COL15A1: variants seen among roughly 807,000 people sequenced by gnomAD.
COL15A1 encodes the protein collagen alpha-1(XV) chain.
COL15A1 carries 111 observed loss-of-function variants against 165.9 expected under a neutral mutation model. The ratio of observed to expected loss-of-function variants is 0.67; its 90% confidence interval spans 0.57 to 0.78. The LOEUF (loss-of-function observed/expected upper bound fraction) is 0.78. Ranked by LOEUF, COL15A1 falls within the 30% of genes least tolerant of loss-of-function variation. The pLI, the probability that COL15A1 is intolerant of heterozygous loss-of-function variation, is 0.00. For missense variants in COL15A1, 1,745 were observed against 1,789.7 expected, an observed-to-expected ratio of 0.98 and a Z score of 0.45; for synonymous variants, 659 against 674.8, an observed-to-expected ratio of 0.98 and a Z score of 0.36.
At chr9:99,049,311 A>G (rs1839544875) in intron 28 of COL15A1, among the ~76,000 whole-genome samples, 1 of 152,104 alleles carries the variant, frequency 6.6e-6, no homozygotes, top group Non-Finnish European at 1.5e-5. Context: ...GTCCATTCCC[A>G]CCCGTATACT....
chr9:99,062,133 C>A, intron 37 of COL15A1, 34 bp downstream of exon 37: 1 of 1,611,508 alleles, frequency 6.2e-7, no homozygotes, highest in Non-Finnish European at 8.5e-7. Context: ...ACACTGCCTT[C>A]AAATACCCTC....
intron 2 of COL15A1, among the ~76,000 whole-genome samples, chr9:98,983,746 A>T (rs1289493271): frequency 6.6e-6 from 1 of 152,222 alleles, no homozygotes; most frequent in Non-Finnish European, 1.5e-5. Flanking sequence ...TGCTACCATT[A>T]TTAACCAGGG....
At chr9:98,962,962 A>G (rs958766410) in intron 2 of COL15A1, among the ~76,000 whole-genome samples, 19 of 152,216 alleles carry the variant, frequency 1.2e-4, no homozygotes, top group African/African-American at 4.6e-4. Context: ...ATGAATAGAA[A>G]TGTGTGTGTT....
In COL15A1 at chr9:98,988,321, G is replaced by A. The variant is rs556988925; in HGVS notation, c.724-857G>A. ...ATGTGATGCTGATCAGTGTAGTCAC[G>A]CGTTAGTCTCTGCATTGCCATTAAT... On this transcript the variant is annotated intron_variant, in intron 4 of 41. Transcript: ENST00000375001. Among the ~76,000 whole-genome samples the A allele has an allele frequency of 2.6e-4, 39 of 152,256 alleles. No homozygotes were observed. In the South Asian group the frequency reaches 4.4e-3, roughly 17 times the overall value.
chr9:98,966,976 T>G (rs1837968183), intron 2 of COL15A1, among the ~76,000 whole-genome samples: 1 of 152,184 alleles, frequency 6.6e-6, no homozygotes, highest in African/African-American at 2.4e-5. Flanking sequence ...TCCATTAAGC[T>G]CATTCATTCA....
intron 8 of COL15A1, among the ~76,000 whole-genome samples, chr9:99,004,445 C>T (rs910231488): frequency 2.6e-5 from 4 of 152,084 alleles, no homozygotes; most frequent in Admixed American, 6.5e-5. Context: ...TCAGGGCTAT[C>T]GGAGCGGTGG....
chr9:98,997,919 C>A (rs895734756), intron 6 of COL15A1: 5 of 152,168 alleles, frequency 3.3e-5, no homozygotes, highest in Non-Finnish European at 5.9e-5. Context: ...TTCTTAGGAA[C>A]AAAAATAACC....
chr9:99,056,872 A>C (rs1216549716), intron 35 of COL15A1, among the ~76,000 whole-genome samples: 1 of 152,238 alleles, frequency 6.6e-6, no homozygotes, highest in Non-Finnish European at 1.5e-5. Flanking sequence ...CCCATGTTGC[A>C]GCACGGAGTT....
chr9:99,000,739 T>C (rs1182793605), intron 6 of COL15A1, 100 bp from the exon 7 acceptor site: 4 of 719,070 alleles, frequency 5.6e-6, no homozygotes, highest in Non-Finnish European at 1.0e-5. Context: ...TGTGTCATGG[T>C]ATCTGAACAT....
chr9:99,008,051 G>A (rs1351608508), intron 9 of COL15A1, among the ~76,000 whole-genome samples: 2 of 152,058 alleles, frequency 1.3e-5, no homozygotes, highest in Non-Finnish European at 2.9e-5. Context: ...TTAAGTTTTA[G>A]TCTTATTATA....
chr9:99,068,711 A>T, intron 41 of COL15A1, 41 bp downstream of exon 41: 1 of 1,168,046 alleles, frequency 8.6e-7, no homozygotes, highest in Non-Finnish European at 1.2e-6. Context: ...TGTGATAGAT[A>T]GTTTTAGGGG....
chr9:99,023,723 T>G (rs1308567122), intron 14 of COL15A1, among the ~76,000 whole-genome samples: 1 of 152,206 alleles, frequency 6.6e-6, no homozygotes, highest in Non-Finnish European at 1.5e-5. Context: ...GTGGGCTTCT[T>G]GAGCAGGCTG....
Position 99,018,732 on chromosome 9 carries a change from G to A in COL15A1, c.1648-1657G>A, listed in dbSNP as rs1463289335. On this transcript the variant is annotated intron_variant, in intron 11 of 41. Transcript: ENST00000375001. ...TATTTAATGATGGGGGAAATGCTTA[G>A]CATATAATGTTAAGTGAAAGAAGCT... 2.0e-5 allele frequency among the ~76,000 whole-genome samples: 3 copies of A among 152,204 alleles called. No homozygotes were observed. In the South Asian group the frequency reaches 6.2e-4, roughly 32 times the overall value.
chr9:99,023,954 C>A (rs906815907), intron 14 of COL15A1, among the ~76,000 whole-genome samples: 6 of 152,226 alleles, frequency 3.9e-5, no homozygotes, highest in Non-Finnish European at 8.8e-5. Flanking sequence ...CTCTTGCTCC[C>A]CTGGCCTCCT....
At chr9:98,977,672 G>A (rs1838162252) in intron 2 of COL15A1, among the ~76,000 whole-genome samples, 2 of 152,110 alleles carry the variant, frequency 1.3e-5, no homozygotes, top group Admixed American at 1.3e-4. Context: ...CAAGGCCTGC[G>A]GGCCAGCGCC....
At position 99,036,835 on chromosome 9, in the gene COL15A1, G is replaced by A. The variant is rs561878263; in HGVS notation, c.2409+439G>A. On this transcript the variant is annotated intron_variant, in intron 21 of 41. Coordinates refer to ENST00000375001, the MANE Select transcript of COL15A1 (RefSeq NM_001855.5). The stretch of plus-strand genomic sequence containing the variant: ...AGCCACATGTTCCTGCCAATCAGAC[G>A]GACTTGCCCATGGGTTGCCAGATGT... Among the ~76,000 whole-genome samples the A allele has an allele frequency of 5.9e-4, 90 of 152,308 alleles. 1 individual carries two copies. The South Asian group carries it at 0.012, about 20-fold the overall frequency.
intron 19 of COL15A1, 30 bp downstream of exon 19, chr9:99,035,448 G>T: frequency 6.2e-7 from 1 of 1,613,232 alleles, no homozygotes. Context: ...TTCATTATGA[G>T]GGTTGTCACA....
chr9:98,944,022 G>T lies in COL15A1; in HGVS notation c.-40G>T, dbSNP rs200514853. ...TCCGCTAAGCTCCAACGCTCTGCTC[G>T]ACTAGCCGCGCGCCTTCCGGGGCTC... On this transcript the variant is annotated 5_prime_UTR_variant, in exon 1 of 42. Transcript: ENST00000375001. The T allele has an allele frequency of 3.8e-5, 61 of 1,613,358 alleles. No homozygotes were observed. The African/African-American group carries it at 6.1e-4, about 16-fold the overall frequency.
At chr9:98,956,644 C>G (rs1837780304) in intron 2 of COL15A1, among the ~76,000 whole-genome samples, 1 of 152,208 alleles carries the variant, frequency 6.6e-6, no homozygotes, top group African/African-American at 2.4e-5. Flanking sequence ...CTCCCAGCCT[C>G]CATCCTCTCC....
Sources: allele counts gnomAD v4.1 joint callset (sites outside exome capture counted in the v4.1 genomes callset), GRCh38; gene constraint gnomAD v4.1.1; transcripts MANE v1.5; gene names NCBI Gene and HGNC (gene_info 2026-07-23, HGNC 2026-07-21).